Variants in GET1 observed in about 807,000 individuals in gnomAD.
The protein encoded by GET1 is congenital heart disease 5 protein.
GET1 carries 20 observed loss-of-function variants against 22.6 expected under a neutral mutation model. The ratio of observed to expected loss-of-function variants is 0.89; its 90% confidence interval spans 0.62 to 1.29. The LOEUF (loss-of-function observed/expected upper bound fraction) is 1.29, where lower values mean the gene tolerates loss of function less well. GET1 is among the 50% of genes most tolerant of loss of function. The pLI, the probability that GET1 is intolerant of heterozygous loss-of-function variation, is 0.00. For synonymous variants in GET1, 92 were observed against 83.8 expected (o/e 1.10, Z -0.53); for missense variants, 209 against 219.9 (o/e 0.95, Z 0.31).
chr21:39,391,547 G>T, intron 2 of GET1: 53 of 432,234 alleles, frequency 1.2e-4, no homozygotes, highest in Non-Finnish European at 1.8e-4. Context: ...CAAAATTAAA[G>T]CTATTCAAAT....
At chr21:39,406,102 A>T (rs2039037662) in exon 5 of GET1, 2 of 1,614,178 alleles carry the variant, frequency 1.2e-6, no homozygotes, top group East Asian at 2.2e-5. Context: ...TTCTTCCATG[A>T]GACTGCTTTT....
intron 1 of GET1, among the ~76,000 whole-genome samples, chr21:39,413,413 C>T (rs2040454915): frequency 6.6e-6 from 1 of 152,230 alleles, no homozygotes; most frequent in Non-Finnish European, 1.5e-5. Context: ...CTGCCATCCT[C>T]ATCCCTAATT....
downstream of GET1, chr21:39,406,772 G>C: frequency 1.7e-6 from 1 of 577,232 alleles, no homozygotes; most frequent in Non-Finnish European, 3.0e-6. Context: ...ACAGAGAAAG[G>C]TGCTATTAAC....
chr21:39,406,880 C>T, downstream of GET1: 1 of 385,342 alleles, frequency 2.6e-6, no homozygotes. Flanking sequence ...ATAAAATTTG[C>T]CAATAAGGTT....
exon 5 of GET1, chr21:39,406,363 G>A (rs772774117): frequency 6.2e-7 from 1 of 1,613,534 alleles, no homozygotes; most frequent in Non-Finnish European, 8.5e-7. Context: ...CGTGTAGGGA[G>A]CAGTGCCTTT....
At chr21:39,399,601 C>T (rs113487886), downstream of GET1, among the ~76,000 whole-genome samples, 1,088 of 152,054 alleles carry the variant, frequency 7.2e-3, 11 homozygotes, top group Non-Finnish European at 0.011. Context: ...TGCACCATGA[C>T]GCCTATTTTT....
intron 1 of GET1, chr21:39,423,029 G>A: frequency 1.9e-6 from 3 of 1,614,034 alleles, no homozygotes; most frequent in Non-Finnish European, 2.5e-6. Context: ...GATAATTTAT[G>A]AGTGAGTTCT....
downstream of GET1, among the ~76,000 whole-genome samples, chr21:39,411,411 G>A (rs1269057283): frequency 6.6e-6 from 1 of 152,084 alleles, no homozygotes; most frequent in Non-Finnish European, 1.5e-5. Context: ...GCCATACACT[G>A]GCTAACAGAT....
At chr21:39,390,559 T>C in intron 1 of GET1, 139 bp from the exon 2 acceptor site, 1 of 1,126,654 alleles carries the variant, frequency 8.9e-7, no homozygotes, top group Non-Finnish European at 1.2e-6. Flanking sequence ...GGCCGCAGTT[T>C]GCATTCAGTC....
exon 2 of GET1, chr21:39,428,413 T>C (rs534170364): frequency 1.2e-6 from 2 of 1,612,996 alleles, no homozygotes; most frequent in African/African-American, 1.3e-5. Flanking sequence ...TCTTGCATGC[T>C]GCAGACCTCC....
chr21:39,423,243 C>T lies in GET1; in HGVS notation c.*24-4989C>T, dbSNP rs1440741473. The T allele has an allele frequency of 2.5e-6, 4 of 1,610,034 alleles. No individual in the cohort carries two copies. In the South Asian group the frequency reaches 4.5e-5, roughly 18 times the overall value. ...TTTGAGGTAGATTATTTTGTGAATTCTCATATTTTCCTATAGCTTTCAAAT... is the reference window on the plus strand; with the variant it reads ...TTTGAGGTAGATTATTTTGTGAATTTTCATATTTTCCTATAGCTTTCAAAT... On this transcript the variant is annotated intron_variant, in intron 1 of 1. Transcript: ENST00000478273.
chr21:39,420,887 A>G, intron 1 of GET1: 1 of 1,515,190 alleles, frequency 6.6e-7, no homozygotes, highest in Admixed American at 1.9e-5. Context: ...CCAAGTTAGT[A>G]TGTTAAAAAC....
chr21:39,388,172 C>T (rs1053689859), intron 1 of GET1, among the ~76,000 whole-genome samples: 1 of 152,068 alleles, frequency 6.6e-6, no homozygotes. Context: ...CTCAGGAGTT[C>T]ACTGGCAACA....
At chr21:39,413,533 T>C (rs2040475268) in intron 1 of GET1, among the ~76,000 whole-genome samples, 1 of 152,218 alleles carries the variant, frequency 6.6e-6, no homozygotes, top group African/African-American at 2.4e-5. Context: ...ATTTGAATCA[T>C]AAAATTAGTT....
At chr21:39,406,700 C>A (rs116678860), downstream of GET1, 16 of 987,592 alleles carry the variant, frequency 1.6e-5, no homozygotes, top group Non-Finnish European at 2.4e-5. Context: ...TTACGTGCAC[C>A]GCCTCACAAG....
intron 1 of GET1, among the ~76,000 whole-genome samples, chr21:39,381,894 C>T (rs965763440): frequency 5.3e-5 from 8 of 151,898 alleles, no homozygotes; most frequent in African/African-American, 9.7e-5. Context: ...TGCACCACCA[C>T]GCCCAGGTAT....
In GET1 at chr21:39,396,865, G is replaced by C. The variant is rs969545998; in HGVS notation, c.452-1G>C. 6.2e-7 allele frequency: 1 copy of C among 1,613,822 alleles called. No individual in the cohort carries two copies. Among genetic ancestry groups the C allele is most frequent in the African/African-American group, 1.3e-5 (1 of 74,866 alleles). On this transcript the variant is annotated splice_acceptor_variant, in intron 4 of 4. Coordinates refer to ENST00000649170, the MANE Select transcript of GET1 (RefSeq NM_004627.6). LOFTEE classifies it high-confidence loss of function. ...CTCATGGTGAATGTCTTTGTTTTCAGGTGGTGTTGGAATTACCTGTTGGAT... is the reference window on the plus strand; with the variant it reads ...CTCATGGTGAATGTCTTTGTTTTCACGTGGTGTTGGAATTACCTGTTGGAT...
intron 1 of GET1, among the ~76,000 whole-genome samples, chr21:39,416,426 T>C (rs2041166812): frequency 6.6e-6 from 1 of 152,200 alleles, no homozygotes; most frequent in South Asian, 2.1e-4. Context: ...TCCTTAATAG[T>C]TTCTTTGCTT....
At chr21:39,418,702 GT>G (rs2041744643) in intron 1 of GET1, among the ~76,000 whole-genome samples, 1 of 152,100 alleles carries the variant, frequency 6.6e-6, no homozygotes. Flanking sequence ...GTTTTGCCAT[GT>G]TGGTCAGGCT....
Sources: gnomAD v4.1 joint callset for allele counts (sites outside exome capture counted in the v4.1 genomes callset) on GRCh38, gnomAD v4.1.1 for gene constraint, MANE v1.5 for transcripts, NCBI Gene and HGNC (gene_info 2026-07-23, HGNC 2026-07-21) for gene names.